RICTOR: variants seen among roughly 807,000 people sequenced by gnomAD.
RICTOR encodes the protein RPTOR independent companion of MTOR complex 2, also known as rapamycin-insensitive companion of mTOR.
A neutral mutation model predicts 214.9 loss-of-function variants in RICTOR; 49 were observed. The ratio of observed to expected loss-of-function variants is 0.23; its 90% CI spans 0.18 to 0.29. The LOEUF (loss-of-function observed/expected upper bound fraction) is 0.29. Ranked by LOEUF, RICTOR falls within the 10% of genes least tolerant of loss-of-function variation. The pLI, the probability that RICTOR is intolerant of heterozygous loss-of-function variation, is 1.00. For missense variants in RICTOR, 1,625 were observed against 2,047.0 expected, an observed-to-expected ratio of 0.79 and a Z score of 3.98; for synonymous variants, 717 against 711.3, an observed-to-expected ratio of 1.01 and a Z score of -0.13.
At chr5:39,061,462 A>C (rs1421653697) in intron 2 of RICTOR, among the ~76,000 whole-genome samples, 1 of 152,066 alleles carries the variant, frequency 6.6e-6, no homozygotes. Context: ...TTTAAGTGGG[A>C]GGTCTACTAA....
rs371505163 is a variant in RICTOR, at chr5:38,971,858, C to T, written c.972+19G>A. On this transcript the variant is annotated intron_variant, in intron 11 of 37. Coordinates refer to ENST00000357387, the MANE Select transcript of RICTOR (RefSeq NM_152756.5). ...GTTAAAGGTCCAGGAATGAAACAAT[C>T]CTAATAACTTTTACCTACCCTTATT... is the stretch of plus-strand genomic sequence containing the variant. 2 of 993,688 alleles carry T rather than the reference C, an allele frequency of 2.0e-6. No homozygotes were observed. Among genetic ancestry groups the T allele is most frequent in the African/African-American group, 3.2e-5 (2 of 62,072 alleles). 61.6% of individuals were successfully genotyped at this position (993,688 alleles called of 1,614,324 possible). A position where few individuals can be genotyped will look rare whatever the true frequency, so the allele number is the denominator to read the frequency against.
At chr5:39,002,049 C>CTTCTACAAGAATG (rs765194715) in intron 5 of RICTOR, among the ~76,000 whole-genome samples, 4 of 151,638 alleles carry the variant, frequency 2.6e-5, no homozygotes, top group Non-Finnish European at 5.9e-5. Flanking sequence ...TTCTTGCAGC[C>CTTCTACAAGAATG]TTCTACAAGA....
In RICTOR at chr5:38,945,608, T is replaced by C. The variant is rs1748104781; in HGVS notation, c.4516A>G (p.Ser1506Gly). 6.2e-7 allele frequency: 1 copy of C among 1,613,670 alleles called. No homozygotes were observed. The highest frequency in any genetic ancestry group is 8.5e-7 in the Non-Finnish European group (1 of 1,179,654). The change falls in exon 34 of 38, where the codon AGT becomes GGT. Residue 1506 changes from serine to glycine, a missense_variant. Ser to Gly is a moderately conservative substitution (Grantham distance 56). Coordinates refer to ENST00000357387, the MANE Select transcript of RICTOR (RefSeq NM_152756.5). Reference protein sequence around the residue: ...IHSDASLFLESTEDTGLQEHT... With the variant: ...IHSDASLFLEGTEDTGLQEHT... ...TCCTGTAGTCCAGTGTCTTCTGTAC[T>C]TTCTAAAAACAGAGAGGCATCTGAA...
chr5:39,015,130 T>G lies in RICTOR; in HGVS notation c.195+5909A>C, dbSNP rs142751430. Among the ~76,000 whole-genome samples, 8 of 152,170 alleles carry G rather than the reference T, an allele frequency of 5.3e-5. No homozygotes were observed. The East Asian group carries it at 1.5e-3, about 29-fold the overall frequency. Reference sequence around the variant, plus strand: ...CAATAAATAATAAAATAGATAAAATTTAGTAGGCATATCTATCAAATAATG... The same window carrying G: ...CAATAAATAATAAAATAGATAAAATGTAGTAGGCATATCTATCAAATAATG... On this transcript the variant is annotated intron_variant, in intron 3 of 37. Coordinates refer to ENST00000357387, the MANE Select transcript of RICTOR (RefSeq NM_152756.5).
In RICTOR at chr5:38,957,654, T is replaced by C. The variant is rs780695882; in HGVS notation, c.2497A>G (p.Arg833Gly). 1.3e-6 allele frequency: 2 copies of C among 1,514,546 alleles called. No individual in the cohort carries two copies. Among genetic ancestry groups the C allele is most frequent in the East Asian group, 2.3e-5 (1 of 43,592 alleles). 93.8% of individuals were successfully genotyped at this position (1,514,546 alleles called of 1,614,324 possible). A position where few individuals can be genotyped will look rare whatever the true frequency, so the allele number is the denominator to read the frequency against. Reference sequence around the variant, plus strand: ...ACTTTATTCAAATAAGAAGTTACCCTGTGCCACTTTTCCAATTGTTTTGCT... The same window carrying C: ...ACTTTATTCAAATAAGAAGTTACCCCGTGCCACTTTTCCAATTGTTTTGCT... The part of the protein sequence containing the change: ...YVAKQLEKWH[R>G]EYNSKYVDLI... The change falls in exon 25 of 38, where the codon AGG (arginine) becomes GGG (glycine). Residue 833 changes from arginine (R) to glycine (G), a missense_variant and splice_region_variant. Physicochemically the swap from Arg to Gly is moderately radical, Grantham distance 125. Transcript: ENST00000357387.
At chr5:39,001,998 T>C (rs1188801765) in intron 5 of RICTOR, among the ~76,000 whole-genome samples, 2 of 152,014 alleles carry the variant, frequency 1.3e-5, no homozygotes, top group East Asian at 1.9e-4. Flanking sequence ...GTTCTACATA[T>C]ACCTAAGAGA....
chr5:39,069,965 T>C (rs920608780), intron 2 of RICTOR, among the ~76,000 whole-genome samples: 1 of 152,238 alleles, frequency 6.6e-6, no homozygotes, highest in African/African-American at 2.4e-5. Context: ...ATAGTTTGAT[T>C]ACTTAATTTA....
At position 38,940,365 on chromosome 5, in the gene RICTOR, T is replaced by A. The variant is rs1404100315; in HGVS notation, c.*1939A>T. On this transcript the variant is annotated 3_prime_UTR_variant, in exon 38 of 38. Coordinates refer to ENST00000357387, the MANE Select transcript of RICTOR (RefSeq NM_152756.5). Reference sequence around the variant, plus strand: ...AAAATGAATGTCTAAAATATGTTAATCCCATTATGAATAAGATTACATTAC... The same window carrying A: ...AAAATGAATGTCTAAAATATGTTAAACCCATTATGAATAAGATTACATTAC... 4.3e-6 allele frequency: 1 copy of A among 231,686 alleles called. No homozygotes were observed. The highest frequency in any genetic ancestry group is 2.2e-5 in the African/African-American group (1 of 45,218). The allele number at this position is 231,686 out of a possible 1,614,324, so 14.4% of individuals were successfully genotyped here.
intron 2 of RICTOR, among the ~76,000 whole-genome samples, chr5:39,072,839 T>A (rs1173027533): frequency 6.6e-6 from 1 of 152,202 alleles, no homozygotes; most frequent in Non-Finnish European, 1.5e-5. Context: ...TTAGAAACTG[T>A]CTTGTAAAAG....
intron 2 of RICTOR, among the ~76,000 whole-genome samples, chr5:39,052,900 A>C (rs1342281787): frequency 6.6e-6 from 1 of 152,230 alleles, no homozygotes; most frequent in Non-Finnish European, 1.5e-5. Context: ...TGCTGAACCC[A>C]AACAGCCATT....
intron 6 of RICTOR, among the ~76,000 whole-genome samples, chr5:38,994,451 A>AAAAAAAAAT (rs1304761708): frequency 3.0e-5 from 3 of 101,546 alleles, no homozygotes; most frequent in African/African-American, 1.1e-4. Flanking sequence ...AAAAAAAAAA[A>AAAAAAAAAT]AGTGCTTCAG....
intron 7 of RICTOR, 83 bp from the exon 8 acceptor site, chr5:38,982,119 T>A (rs548512957): frequency 9.9e-7 from 1 of 1,009,376 alleles, no homozygotes; most frequent in East Asian, 2.5e-5. Flanking sequence ...CTTAATTGCC[T>A]TTCTGACTTG....
intron 2 of RICTOR, among the ~76,000 whole-genome samples, chr5:39,055,752 G>A (rs1368849981): frequency 1.3e-5 from 2 of 152,142 alleles, no homozygotes; most frequent in Admixed American, 6.5e-5. Flanking sequence ...GACTTTTTGG[G>A]AAACTTTTTG....
intron 6 of RICTOR, among the ~76,000 whole-genome samples, chr5:38,994,429 A>T: frequency 1.5e-5 from 2 of 137,654 alleles, no homozygotes; most frequent in East Asian, 2.6e-4. Context: ...TAAAAAAAAA[A>T]AAAAAAAAAA....
chr5:38,942,693 C>T, intron 37 of RICTOR, 140 bp downstream of exon 37: 1 of 629,218 alleles, frequency 1.6e-6, no homozygotes, highest in Non-Finnish European at 2.7e-6. Context: ...TGGGCTCAAG[C>T]AATTCTCCCG....
intron 2 of RICTOR, among the ~76,000 whole-genome samples, chr5:39,034,767 G>T (rs1458444357): frequency 6.6e-6 from 1 of 152,212 alleles, no homozygotes; most frequent in African/African-American, 2.4e-5. Context: ...GAGGCTGGGG[G>T]AGGGGCGCCC....
chr5:39,061,324 GT>G (rs2150205986), intron 2 of RICTOR, among the ~76,000 whole-genome samples: 1 of 152,162 alleles, frequency 6.6e-6, no homozygotes, highest in East Asian at 1.9e-4. Context: ...CTAATTCAAT[GT>G]AAGAGTTTTA....
At chr5:39,015,385 G>A (rs939877518) in intron 3 of RICTOR, among the ~76,000 whole-genome samples, 1 of 152,064 alleles carries the variant, frequency 6.6e-6, no homozygotes, top group Non-Finnish European at 1.5e-5. Context: ...ATTAAATTCA[G>A]TGTTCTGTGC....
chr5:39,046,128 T>C (rs2150178457), intron 2 of RICTOR, among the ~76,000 whole-genome samples: 1 of 151,238 alleles, frequency 6.6e-6, no homozygotes, highest in East Asian at 1.9e-4. Flanking sequence ...GTTGGGAGGA[T>C]TTCTTGAGGC....
Sources: gnomAD v4.1 joint callset for allele counts (sites outside exome capture counted in the v4.1 genomes callset) on GRCh38, gnomAD v4.1.1 for gene constraint, MANE v1.5 for transcripts, NCBI Gene and HGNC (gene_info 2026-07-23, HGNC 2026-07-21) for gene names.